Variants in BPIFB2 observed in about 807,000 individuals in gnomAD.
The protein encoded by BPIFB2 is BPI fold containing family B member 2.
A neutral mutation model predicts 50.1 loss-of-function variants in BPIFB2; 39 were observed. The ratio of observed to expected loss-of-function variants is 0.78; its 90% CI spans 0.60 to 1.02. BPIFB2 has a LOEUF of 1.02. BPIFB2 is among the 50% of genes least tolerant of loss of function. The pLI, the probability that BPIFB2 is intolerant of heterozygous loss-of-function variation, is 0.00. For synonymous variants in BPIFB2, 280 were observed against 256.3 expected, an observed-to-expected ratio of 1.09 and a Z score of -0.88; for missense variants, 574 against 585.8, an observed-to-expected ratio of 0.98 and a Z score of 0.21.
intron 11 of BPIFB2, 23 bp downstream of exon 11, chr20:33,019,773 G>A (rs1350085497): frequency 6.4e-7 from 1 of 1,560,932 alleles, no homozygotes; most frequent in Middle Eastern, 1.7e-4. Context: ...GGGCTGGTCG[G>A]AAGGCAGGCA....
chr20:33,023,667 T>A lies in BPIFB2; in HGVS notation c.*284T>A. ...ACTGCTCCTCCAGGCTGTATAGACC[T>A]GCCCTCTTGCATTAAACAACTTCTC... On this transcript the variant is annotated 3_prime_UTR_variant, in exon 16 of 16. Transcript: ENST00000170150. 1.9e-6 allele frequency: 1 copy of A among 521,600 alleles called. No individual in the cohort carries two copies. Among genetic ancestry groups the A allele is most frequent in the South Asian group, 2.3e-5 (1 of 43,274 alleles). The allele number at this position is 521,600 out of a possible 1,614,324, so 32.3% of individuals were successfully genotyped here.
rs1398866373 is a variant in BPIFB2 at position 33,018,631 on chromosome 20, C to T, written c.670-6C>T. The stretch of plus-strand genomic sequence containing the variant: ...TTTCTCCCACTTCCCCCTCCCACCC[C>T]TACAGGCTGTTCTCTTCCTGCTGGG... On this transcript the variant is annotated splice_region_variant and splice_polypyrimidine_tract_variant and intron_variant, in intron 8 of 15. Coordinates refer to ENST00000170150, the MANE Select transcript of BPIFB2 (RefSeq NM_025227.3). The T allele has an allele frequency of 6.2e-7, 1 of 1,607,244 alleles. No individual in the cohort carries two copies. Among genetic ancestry groups the T allele is most frequent in the South Asian group, 1.1e-5 (1 of 89,328 alleles).
intron 8 of BPIFB2, 109 bp from the exon 9 acceptor site, chr20:33,018,527 AG>A (rs1032076456): frequency 2.8e-5 from 39 of 1,378,192 alleles, no homozygotes; most frequent in Non-Finnish European, 3.9e-5. Context: ...GGCATCTTGC[AG>A]GGGCTGGGGG....
chr20:33,012,828 C>G lies in BPIFB2; in HGVS notation c.229C>G (p.Pro77Ala). The G allele has an allele frequency of 6.2e-7, 1 of 1,613,970 alleles. No homozygotes were observed. Among genetic ancestry groups the G allele is most frequent in the South Asian group, 1.1e-5 (1 of 91,060 alleles). Residue 77 changes from proline (P) to alanine (A), a missense_variant, in exon 4 of 16, where the codon CCC becomes GCC. Physicochemically the swap from Pro to Ala is conservative, Grantham distance 27. Transcript: ENST00000170150. Reference sequence around the variant, plus strand: ...GATCCGGATTCTGAATGTCCATGTGCCCCGCCTCCACCTGAAATTCATTGC... The same window carrying G: ...GATCCGGATTCTGAATGTCCATGTGGCCCGCCTCCACCTGAAATTCATTGC... Reference protein sequence around the residue: ...TRIRILNVHVPRLHLKFIAGF... With the variant: ...TRIRILNVHVARLHLKFIAGF...
chr20:33,017,343 AAAAC>A (rs1261080490), intron 7 of BPIFB2, among the ~76,000 whole-genome samples: 2 of 152,258 alleles, frequency 1.3e-5, no homozygotes, highest in Non-Finnish European at 2.9e-5. Flanking sequence ...AAAAATCTGA[AAAAC>A]AAAATACAAT....
chr20:33,018,969 G>C (rs1978546693), intron 9 of BPIFB2, 93 bp from the exon 10 acceptor site: 2 of 1,587,762 alleles, frequency 1.3e-6, no homozygotes, highest in Non-Finnish European at 1.7e-6. Context: ...TTAAACGGGG[G>C]CTATGGGGAG....
Position 33,012,794 on chromosome 20 carries a change from A to C in BPIFB2, c.204-9A>C, listed in dbSNP as rs777009173. ...GGGCCACTCTGTCACCTTGATTACT[A>C]CCCTGCAGGATCCGGATTCTGAATG... is the stretch of plus-strand genomic sequence containing the variant. On this transcript the variant is annotated splice_polypyrimidine_tract_variant and intron_variant, in intron 3 of 15. Transcript: ENST00000170150. 2.4e-5 allele frequency: 38 copies of C among 1,606,890 alleles called. 2 individuals carry two copies. The South Asian group carries it at 4.2e-4, about 18-fold the overall frequency.
chr20:33,021,129 C>A, intron 13 of BPIFB2, 152 bp from the exon 14 acceptor site: 1 of 839,472 alleles, frequency 1.2e-6, no homozygotes, highest in Non-Finnish European at 1.9e-6. Flanking sequence ...GAACCCAGGA[C>A]ATGGGTGATC....
intron 7 of BPIFB2, 28 bp downstream of exon 7, chr20:33,017,130 C>T (rs372482309): frequency 1.2e-6 from 2 of 1,604,310 alleles, no homozygotes; most frequent in Non-Finnish European, 8.5e-7. Flanking sequence ...GGGGAGGGGG[C>T]TGGGGCCTCT....
intron 2 of BPIFB2, among the ~76,000 whole-genome samples, chr20:33,010,248 G>A (rs1010863965): frequency 2.6e-5 from 4 of 152,182 alleles, no homozygotes; most frequent in East Asian, 1.9e-4. Flanking sequence ...CAGGTCCCTC[G>A]GTCCAAAGCC....
intron 14 of BPIFB2, among the ~76,000 whole-genome samples, 154 bp from the exon 15 acceptor site, chr20:33,021,569 T>C (rs1284795317): frequency 6.6e-6 from 1 of 152,212 alleles, no homozygotes; most frequent in East Asian, 1.9e-4. Context: ...TTCCTTTTTC[T>C]CTCTGAGCCC....
intron 7 of BPIFB2, among the ~76,000 whole-genome samples, 183 bp downstream of exon 7, chr20:33,017,285 A>G (rs1978471126): frequency 6.6e-6 from 1 of 152,270 alleles, no homozygotes; most frequent in Non-Finnish European, 1.5e-5. Flanking sequence ...TCCAAATTCT[A>G]GAACCAAAAC....
rs980547906 is a variant in BPIFB2, at chr20:33,023,578, C to T, written c.*195C>T. ...ACTTCTGCCCTTTCCCTTCCTCCTC[C>T]TCTTCTCCTCCCTCTTCCCTCATCT... On this transcript the variant is annotated 3_prime_UTR_variant, in exon 16 of 16. Transcript: ENST00000170150. 4.8e-5 allele frequency: 31 copies of T among 652,102 alleles called. No individual in the cohort carries two copies. The highest frequency in any genetic ancestry group is 1.1e-4 in the South Asian group (6 of 55,478). The allele number at this position is 652,102 out of a possible 1,614,324, so 40.4% of individuals were successfully genotyped here.
rs750973615 is a variant in BPIFB2, at chr20:33,013,810, C to T, written c.309C>T (p.Arg103=). 3.7e-5 allele frequency: 60 copies of T among 1,612,296 alleles called. 1 individual carries two copies. In the South Asian group the frequency reaches 4.0e-4, roughly 11 times the overall value. ...GGGCTCAGGACTGGCATCCCTACAGCGCCCCAGAGCCCCTGGAGCTGACGC... is the reference window on the plus strand; with the variant it reads ...GGGCTCAGGACTGGCATCCCTACAGTGCCCCAGAGCCCCTGGAGCTGACGC... ...AAANFTFKVF[R]APEPLELTLP... The change falls in exon 5 of 16, where the codon CGC becomes CGT. Residue 103 remains arginine (R), a splice_region_variant and synonymous_variant. Transcript: ENST00000170150.
chr20:33,023,285 G>A (rs941742940), intron 15 of BPIFB2, 57 bp from the exon 16 acceptor site: 6 of 1,547,554 alleles, frequency 3.9e-6, no homozygotes, highest in African/African-American at 1.4e-5. Context: ...TGAGGGGGCG[G>A]CTGGGGTCCT....
In BPIFB2 at chr20:33,013,899, G is replaced by A. The variant is rs1990321944; in HGVS notation, c.398G>A (p.Ser133Asn). The A allele has an allele frequency of 6.2e-7, 1 of 1,614,146 alleles. No individual in the cohort carries two copies. The highest frequency in any genetic ancestry group is 1.6e-4 in the Middle Eastern group (1 of 6,062). Residue 133 changes from serine (S) to asparagine (N), a missense_variant, in exon 5 of 16, where the codon AGC becomes AAC. Physicochemically the swap from Ser to Asn is conservative, Grantham distance 46. Coordinates refer to ENST00000170150, the MANE Select transcript of BPIFB2 (RefSeq NM_025227.3). The stretch of plus-strand genomic sequence containing the variant: ...AGCTCCATCAGGACCCCTGTGGTCA[G>A]CATCTCTGCCTGCTCTTTATTCTCG... ...TQSSIRTPVV[S>N]ISACSLFSGH... is the part of the protein sequence containing the mutation.
intron 1 of BPIFB2, among the ~76,000 whole-genome samples, chr20:33,008,000 C>T (rs1029068828): frequency 6.6e-6 from 1 of 152,192 alleles, no homozygotes; most frequent in Non-Finnish European, 1.5e-5. Flanking sequence ...TTTGGCCAGA[C>T]TGAGTCAGGA....
At chr20:33,023,110 A>G (rs1978737006) in intron 15 of BPIFB2, among the ~76,000 whole-genome samples, 1 of 152,178 alleles carries the variant, frequency 6.6e-6, no homozygotes, top group Admixed American at 6.5e-5. Context: ...CGGAGCAGCA[A>G]CCAGTGCCTT....
chr20:33,018,896 G>A, intron 9 of BPIFB2, 74 bp downstream of exon 9: 3 of 1,572,988 alleles, frequency 1.9e-6, no homozygotes, highest in Non-Finnish European at 2.6e-6. Context: ...AGACCTCCCA[G>A]AGGCCAAATC....
Sources: allele counts gnomAD v4.1 joint callset (sites outside exome capture counted in the v4.1 genomes callset), GRCh38; gene constraint gnomAD v4.1.1; transcripts MANE v1.5; gene names NCBI Gene and HGNC (gene_info 2026-07-23, HGNC 2026-07-21).